Variants in OPCML observed in about 807,000 individuals in gnomAD.
The protein encoded by OPCML is opioid binding protein/cell adhesion molecule like, also known as opioid-binding protein/cell adhesion molecule.
OPCML carries 13 observed loss-of-function variants against 37.8 expected under a neutral mutation model. The ratio of observed to expected loss-of-function variants is 0.34; its 90% CI spans 0.22 to 0.55. The LOEUF is 0.55. OPCML is among the 20% of genes least tolerant of loss of function. The pLI, the probability that OPCML is intolerant of heterozygous loss-of-function variation, is 0.91. For missense variants in OPCML, 341 were observed against 435.6 expected, an observed-to-expected ratio of 0.78 and a Z score of 1.93; for synonymous variants, 176 against 168.8, an observed-to-expected ratio of 1.04 and a Z score of -0.33.
chr11:133,458,410 G>A (rs1267897278), intron 1 of OPCML, among the ~76,000 whole-genome samples: 1 of 61,548 alleles, frequency 1.6e-5, no homozygotes, highest in Non-Finnish European at 2.7e-5. Flanking sequence ...ATATATACAC[G>A]TGTGTGTATA....
At chr11:132,660,466 A>C (rs1941919026) in intron 2 of OPCML, among the ~76,000 whole-genome samples, 1 of 152,178 alleles carries the variant, frequency 6.6e-6, no homozygotes, top group Admixed American at 6.5e-5. Flanking sequence ...ATGGCATCAA[A>C]TTCATTCAAT....
At chr11:133,222,683 T>A (rs533145758) in intron 1 of OPCML, among the ~76,000 whole-genome samples, 127 of 152,322 alleles carry the variant, frequency 8.3e-4, no homozygotes, top group African/African-American at 3.0e-3. Flanking sequence ...TATGTAGCTG[T>A]CTTCATCTAT....
At chr11:133,139,287 A>G (rs1183655098) in intron 1 of OPCML, among the ~76,000 whole-genome samples, 1 of 152,218 alleles carries the variant, frequency 6.6e-6, no homozygotes. Context: ...AATCGTTGCT[A>G]GCACTTTTAC....
At chr11:132,907,435 A>G (rs147017919) in intron 2 of OPCML, among the ~76,000 whole-genome samples, 16,414 of 152,086 alleles carry the variant, frequency 0.11, 1,209 homozygotes, top group African/African-American at 0.19. Flanking sequence ...GATCGAGACC[A>G]TCCTGGCCAA....
intron 2 of OPCML, among the ~76,000 whole-genome samples, chr11:132,756,992 C>T (rs1340219505): frequency 6.6e-6 from 1 of 151,906 alleles, no homozygotes; most frequent in Non-Finnish European, 1.5e-5. Context: ...TCTCATTGTT[C>T]ATATGTGCCC....
intron 4 of OPCML, among the ~76,000 whole-genome samples, chr11:132,475,648 C>T (rs1449765187): frequency 1.3e-5 from 2 of 152,082 alleles, no homozygotes; most frequent in East Asian, 1.9e-4. Context: ...GAAAACCAGG[C>T]CTGCATGCGC....
intron 3 of OPCML, among the ~76,000 whole-genome samples, chr11:132,529,786 G>T (rs2096319068): frequency 6.6e-6 from 1 of 152,132 alleles, no homozygotes; most frequent in Non-Finnish European, 1.5e-5. Flanking sequence ...GAAATTTTCT[G>T]ACTCTCTTGA....
chr11:132,491,761 G>C (rs2096216502), intron 4 of OPCML, among the ~76,000 whole-genome samples: 1 of 152,190 alleles, frequency 6.6e-6, no homozygotes, highest in Non-Finnish European at 1.5e-5. Context: ...CTCACAAAGA[G>C]CTTACATCCT....
rs138935793 is a variant in OPCML, at chr11:132,632,694, C to T, written c.379+24393G>A. Among the ~76,000 whole-genome samples the T allele has an allele frequency of 1.6e-4, 24 of 152,154 alleles. No individual in the cohort carries two copies. In the East Asian group the frequency reaches 4.5e-3, roughly 28 times the overall value. On this transcript the variant is annotated intron_variant, in intron 3 of 7. Transcript: ENST00000524381. ...TATCTTCAGCAAGGCGAGGTAATCA[C>T]TCTCTCTTTGGTATGTGAGATATGT...
At chr11:132,446,780 C>A (rs1161092135) in intron 4 of OPCML, among the ~76,000 whole-genome samples, 1 of 152,108 alleles carries the variant, frequency 6.6e-6, no homozygotes, top group East Asian at 1.9e-4. Flanking sequence ...TAAACGACAG[C>A]ATTTTTTTTA....
intron 1 of OPCML, among the ~76,000 whole-genome samples, chr11:132,997,888 A>G (rs1306522800): frequency 6.6e-6 from 1 of 152,130 alleles, no homozygotes; most frequent in Non-Finnish European, 1.5e-5. Context: ...CCTTAGATTC[A>G]TTAAAGCCAG....
Position 132,943,413 on chromosome 11 carries a change from T to G in OPCML, c.62-403A>C. The G allele has an allele frequency of 2.5e-6, 1 of 402,744 alleles. No homozygotes were observed. Among genetic ancestry groups the G allele is most frequent in the Non-Finnish European group, 4.6e-6 (1 of 217,900 alleles). 24.9% of individuals were successfully genotyped at this position (402,744 alleles called of 1,614,324 possible). ...AAGGTGCGGGGATGAAGGTCACAGA[T>G]TGCGCTTTCTCTGCCTCTCTCTTCG... On this transcript the variant is annotated intron_variant, in intron 1 of 7. Coordinates refer to ENST00000524381, the MANE Select transcript of OPCML (RefSeq NM_001012393.5). The surrounding 1 kb of genome is among the most constrained non-coding windows in gnomAD (Gnocchi z 4.3).
intron 4 of OPCML, among the ~76,000 whole-genome samples, chr11:132,471,881 C>G (rs907616369): frequency 2.0e-5 from 3 of 152,210 alleles, no homozygotes; most frequent in Admixed American, 2.0e-4. Flanking sequence ...ACATTGAAAG[C>G]AGGCTCAGCT....
intron 2 of OPCML, among the ~76,000 whole-genome samples, chr11:132,794,693 A>T (rs1938187837): frequency 6.6e-6 from 1 of 152,122 alleles, no homozygotes; most frequent in South Asian, 2.1e-4. Context: ...CACCTCCTAC[A>T]CATGAATATC....
intron 1 of OPCML, among the ~76,000 whole-genome samples, chr11:133,016,138 C>A (rs929901445): frequency 5.3e-5 from 8 of 152,124 alleles, no homozygotes; most frequent in Non-Finnish European, 1.0e-4. Context: ...TAAGAAATTA[C>A]CAAAAATGTA....
intron 1 of OPCML, among the ~76,000 whole-genome samples, chr11:133,133,977 A>G (rs1949643630): frequency 6.6e-6 from 1 of 152,132 alleles, no homozygotes; most frequent in South Asian, 2.1e-4. Context: ...ACTAACCATT[A>G]ATGAATACGC....
intron 2 of OPCML, among the ~76,000 whole-genome samples, chr11:132,765,672 A>G (rs1000317798): frequency 1.3e-5 from 2 of 152,350 alleles, no homozygotes; most frequent in African/African-American, 4.8e-5. Flanking sequence ...AATGAGGAAT[A>G]TGAGTGTGAT....
intron 4 of OPCML, among the ~76,000 whole-genome samples, chr11:132,452,443 A>T (rs1178696759): frequency 6.6e-6 from 1 of 152,018 alleles, no homozygotes; most frequent in Non-Finnish European, 1.5e-5. Context: ...GTGACGATGA[A>T]GCTGGATCTA....
intron 3 of OPCML, among the ~76,000 whole-genome samples, chr11:132,559,317 T>C (rs1452690574): frequency 6.6e-6 from 1 of 151,984 alleles, no homozygotes; most frequent in African/African-American, 2.4e-5. Context: ...TAATAATTGA[T>C]GTTTTTGTGG....
Sources: allele counts gnomAD v4.1 joint callset (sites outside exome capture counted in the v4.1 genomes callset), GRCh38; gene constraint gnomAD v4.1.1; non-coding constraint Gnocchi (gnomAD v3.1); transcripts MANE v1.5; gene names NCBI Gene and HGNC (gene_info 2026-07-23, HGNC 2026-07-21).